NYAP2: variants seen among roughly 807,000 people sequenced by gnomAD.
NYAP2 encodes the protein neuronal tyrosine-phosphorylated phosphoinositide-3-kinase adapter 2.
Under a neutral mutation model 50.4 loss-of-function variants are expected in NYAP2, and 23 were observed. The observed-to-expected ratio is 0.46, with a 90% CI of 0.33 to 0.65. The LOEUF (loss-of-function observed/expected upper bound fraction) is 0.65. NYAP2 is among the 30% of genes least tolerant of loss of function. The pLI, the probability that NYAP2 is intolerant of heterozygous loss-of-function variation, is 0.02. For synonymous variants in NYAP2, 394 were observed against 365.2 expected (o/e 1.08, Z -0.90); for missense variants, 885 against 861.0 (o/e 1.03, Z -0.35).
intron 5 of NYAP2, among the ~76,000 whole-genome samples, chr2:225,592,637 T>C (rs1193564587): frequency 6.6e-6 from 1 of 152,202 alleles, no homozygotes; most frequent in Admixed American, 6.5e-5. Context: ...TGTGACTCCT[T>C]GGTTAATTGG....
At chr2:225,696,642 A>G in the NYAP2 span, among the ~76,000 whole-genome samples, 1 of 151,922 alleles carries the variant, frequency 6.6e-6, no homozygotes, top group Admixed American at 6.6e-5. Flanking sequence ...GTTTTGGACT[A>G]GATATATAAC....
At chr2:225,559,865 A>G (rs1423455331) in intron 4 of NYAP2, among the ~76,000 whole-genome samples, 1 of 152,076 alleles carries the variant, frequency 6.6e-6, no homozygotes. Flanking sequence ...TGCTTTATAC[A>G]TGAAAAGAAA....
At chr2:225,421,027 A>G (rs894480820) in intron 3 of NYAP2, among the ~76,000 whole-genome samples, 1 of 151,990 alleles carries the variant, frequency 6.6e-6, no homozygotes, top group African/African-American at 2.4e-5. Flanking sequence ...GGCTCAAGTG[A>G]TCCTCCCACC....
intron 5 of NYAP2, among the ~76,000 whole-genome samples, chr2:225,604,328 C>T (rs1170941191): frequency 6.6e-6 from 1 of 152,084 alleles, no homozygotes; most frequent in East Asian, 1.9e-4. Flanking sequence ...ATGTGAACGC[C>T]TGGAAAATAA....
chr2:225,653,061 A>C (rs1693763354), exon 7 of NYAP2: 2 of 152,230 alleles, frequency 1.3e-5, no homozygotes, highest in Admixed American at 6.5e-5. Flanking sequence ...AAGAAGTAGA[A>C]ACAGTAAGAC....
At chr2:225,622,549 CTTTCTTTCTT>C (rs774316644) in intron 5 of NYAP2, among the ~76,000 whole-genome samples, 13,608 of 57,744 alleles carry the variant, frequency 0.24, 1,138 homozygotes, top group South Asian at 0.32. Context: ...TTCTTTCTTT[CTTTCTTTCTT>C]TTTCTTTCTT....
intron 4 of NYAP2, among the ~76,000 whole-genome samples, chr2:225,552,850 A>G (rs1194493343): frequency 6.6e-6 from 1 of 151,884 alleles, no homozygotes; most frequent in Non-Finnish European, 1.5e-5. Flanking sequence ...ACCACACCTG[A>G]CTAATTTTTG....
At chr2:225,643,678 G>T (rs1242730697) in intron 6 of NYAP2, among the ~76,000 whole-genome samples, 1 of 151,224 alleles carries the variant, frequency 6.6e-6, no homozygotes, top group East Asian at 1.9e-4. Flanking sequence ...CCACCTATGA[G>T]TGAGAATATG....
At chr2:225,643,300 G>C (rs1693564328) in intron 6 of NYAP2, among the ~76,000 whole-genome samples, 1 of 152,066 alleles carries the variant, frequency 6.6e-6, no homozygotes, top group Non-Finnish European at 1.5e-5. Context: ...CAAATCCCTT[G>C]AAATTTTGAA....
chr2:225,689,784 A>C, the NYAP2 span, among the ~76,000 whole-genome samples: 1 of 152,102 alleles, frequency 6.6e-6, no homozygotes, highest in African/African-American at 2.4e-5. Context: ...AATACAGGAG[A>C]AGGACTATGG....
intron 6 of NYAP2, among the ~76,000 whole-genome samples, chr2:225,639,921 C>T (rs1693497836): frequency 6.6e-6 from 1 of 152,034 alleles, no homozygotes; most frequent in Non-Finnish European, 1.5e-5. Context: ...GTAGTAGATG[C>T]CAGAACTCTG....
At position 225,582,638 on chromosome 2, in the gene NYAP2, C is replaced by A. The variant is rs761483711; in HGVS notation, c.1221C>A (p.Thr407=). 1.3e-6 allele frequency: 2 copies of A among 1,596,916 alleles called. No homozygotes were observed. Among genetic ancestry groups the A allele is most frequent in the East Asian group, 2.3e-5 (1 of 43,758 alleles). Residue 407 remains threonine (T), a synonymous_variant, in exon 5 of 7, where the codon ACC becomes ACA. Coordinates refer to ENST00000636099, the Ensembl canonical transcript of NYAP2. This position sits in a 1 kb window ranked among gnomAD's most constrained non-coding sequence, Gnocchi z 7.0. Reference sequence around the variant, plus strand: ...CGGCCCTGGGACCTGCCTCTGCCACCCCTGCGCTCTCCTCGTCGCCCCCAC... The same window carrying A: ...CGGCCCTGGGACCTGCCTCTGCCACACCTGCGCTCTCCTCGTCGCCCCCAC...
chr2:225,514,445 C>G (rs887497783), intron 4 of NYAP2, among the ~76,000 whole-genome samples: 13 of 152,162 alleles, frequency 8.5e-5, no homozygotes, highest in African/African-American at 3.1e-4. Flanking sequence ...ATATAAGCAA[C>G]AGCAATTTAT....
intron 3 of NYAP2, among the ~76,000 whole-genome samples, chr2:225,446,768 T>G (rs1689571525): frequency 6.6e-6 from 1 of 152,048 alleles, no homozygotes; most frequent in South Asian, 2.1e-4. Context: ...AGCAGGGTGA[T>G]TAACAGGGCC....
intron 6 of NYAP2, among the ~76,000 whole-genome samples, chr2:225,648,391 AGAC>A (rs1461268406): frequency 3.1e-5 from 2 of 64,706 alleles, no homozygotes; most frequent in African/African-American, 4.5e-5. Flanking sequence ...TCTGGAAAAT[AGAC>A]GTTTTTCATG....
At chr2:225,646,937 G>A (rs187178674) in intron 6 of NYAP2, among the ~76,000 whole-genome samples, 79 of 152,232 alleles carry the variant, frequency 5.2e-4, no homozygotes, top group Admixed American at 1.5e-3. Context: ...TTGGTGAGGT[G>A]TAGTCTGTGC....
the NYAP2 span, among the ~76,000 whole-genome samples, chr2:225,682,208 G>T: frequency 6.6e-6 from 1 of 152,086 alleles, no homozygotes. Context: ...AGAAAAATAA[G>T]AATTGTTACA....
chr2:225,594,626 G>A (rs928217287), intron 5 of NYAP2, among the ~76,000 whole-genome samples: 2 of 152,144 alleles, frequency 1.3e-5, no homozygotes, highest in South Asian at 2.1e-4. Context: ...TGTGACTCGC[G>A]GTCTTGAATA....
intron 5 of NYAP2, among the ~76,000 whole-genome samples, chr2:225,592,399 C>T (rs538799240): frequency 1.3e-5 from 2 of 152,288 alleles, no homozygotes; most frequent in East Asian, 1.9e-4. Context: ...TGGGGTAAAA[C>T]AGACAAAGCA....
Sources: gnomAD v4.1 joint callset for allele counts (sites outside exome capture counted in the v4.1 genomes callset) on GRCh38, gnomAD v4.1.1 for gene constraint, Gnocchi (gnomAD v3.1) non-coding constraint, MANE v1.5 for transcripts, NCBI Gene and HGNC (gene_info 2026-07-23, HGNC 2026-07-21) for gene names.